DNAH3: variants seen among roughly 807,000 people sequenced by gnomAD.
The protein encoded by DNAH3 is axonemal beta dynein heavy chain 3.
Under a neutral mutation model 432.5 loss-of-function variants are expected in DNAH3, and 332 were observed. That is an observed-to-expected ratio of 0.77 (90% CI 0.70 to 0.84). The LOEUF (loss-of-function observed/expected upper bound fraction) is 0.84, where lower values mean the gene tolerates loss of function less well. DNAH3 is among the 40% of genes least tolerant of loss of function. The pLI, the probability that DNAH3 is intolerant of heterozygous loss-of-function variation, is 0.00. For synonymous variants in DNAH3, 1,956 were observed against 1,900.2 expected (o/e 1.03, Z -0.76); for missense variants, 4,861 against 5,114.0 (o/e 0.95, Z 1.51).
intron 41 of DNAH3, among the ~76,000 whole-genome samples, chr16:21,006,297 A>G (rs978899704): frequency 3.9e-5 from 6 of 152,030 alleles, no homozygotes; most frequent in Admixed American, 6.6e-5. Flanking sequence ...CAGTTCCTCT[A>G]TTTCTCTAAT....
rs150270822 is a variant in DNAH3, at chr16:20,943,749, C to T, written c.11511+747G>A. ...TAATCCCAGCACTTTTGGAAGCCAA[C>T]GCAAGCAGATTGCTTGAGCCCAGGA... On this transcript the variant is annotated intron_variant, in intron 58 of 61. Coordinates refer to ENST00000261383, the Ensembl canonical transcript of DNAH3. 2.2e-3 allele frequency among the ~76,000 whole-genome samples: 340 copies of T among 152,168 alleles called. 1 individual carries two copies. Among genetic ancestry groups the T allele is most frequent in the African/African-American group, 7.6e-3 (317 of 41,508 alleles).
intron 41 of DNAH3, among the ~76,000 whole-genome samples, chr16:21,010,980 C>A (rs2087573680): frequency 6.6e-6 from 1 of 150,482 alleles, no homozygotes; most frequent in African/African-American, 2.5e-5. Flanking sequence ...AGTCAGTTTG[C>A]AGGACACGAT....
Position 21,070,704 on chromosome 16 carries a change from T to C in DNAH3, c.3201+6A>G. ...CCTCAAAGCATTCAACTTCATTTCC[T>C]CTTACCCGGCATTCTGCTTCTATTG... On this transcript the variant is annotated splice_donor_region_variant and intron_variant, in intron 22 of 61. Transcript: ENST00000261383. The C allele has an allele frequency of 1.3e-6, 2 of 1,591,664 alleles. No individual in the cohort carries two copies. Among genetic ancestry groups the C allele is most frequent in the South Asian group, 2.2e-5 (2 of 90,618 alleles).
chr16:21,120,894 C>A, intron 10 of DNAH3: 1 of 1,413,610 alleles, frequency 7.1e-7, no homozygotes, highest in Non-Finnish European at 9.9e-7. Context: ...AGGGTCTTTT[C>A]TTCCATTTCC....
At chr16:21,111,884 C>A (rs2092082631) in intron 13 of DNAH3, 80 bp from the exon 14 acceptor site, 1 of 1,571,160 alleles carries the variant, frequency 6.4e-7, no homozygotes, top group Non-Finnish European at 8.7e-7. Context: ...CCTGGCCAAC[C>A]CTAGTCCAAT....
At position 20,999,861 on chromosome 16, in the gene DNAH3, G is replaced by GT. The variant is rs1471306125; in HGVS notation, c.6421+362dup. ...TATCTGACAGAAAATGGAATAAGGG[G>GT]TTTATCACAAGGTGTGTGTTGCTTT... On this transcript the variant is annotated intron_variant, in intron 43 of 61. Coordinates refer to ENST00000261383, the Ensembl canonical transcript of DNAH3. 2.0e-5 allele frequency among the ~76,000 whole-genome samples: 3 copies of GT among 152,292 alleles called. No homozygotes were observed. In the East Asian group the frequency reaches 5.8e-4, roughly 29 times the overall value.
chr16:20,942,812 A>C lies in DNAH3; in HGVS notation c.11512-1269T>G, dbSNP rs547966248. Among the ~76,000 whole-genome samples, 4 of 152,286 alleles carry C rather than the reference A, an allele frequency of 2.6e-5. No individual in the cohort carries two copies. In the South Asian group the frequency reaches 6.2e-4, roughly 24 times the overall value. ...ACAAAGAGTGCACTGGGACTACTAG[A>C]GGTACCCAGGATTTTAGGTGTTTCC... is the stretch of plus-strand genomic sequence containing the variant. On this transcript the variant is annotated intron_variant, in intron 58 of 61. Transcript: ENST00000261383.
intron 25 of DNAH3, among the ~76,000 whole-genome samples, chr16:21,061,367 C>G (rs1416563920): frequency 6.6e-6 from 1 of 151,318 alleles, no homozygotes; most frequent in Non-Finnish European, 1.5e-5. Flanking sequence ...TCCCAAGTCG[C>G]TGGGATTACA....
At chr16:21,100,356 G>A (rs1335976485) in intron 16 of DNAH3, among the ~76,000 whole-genome samples, 1 of 152,154 alleles carries the variant, frequency 6.6e-6, no homozygotes, top group Non-Finnish European at 1.5e-5. Context: ...ACAAGCATGA[G>A]CCACATATTC....
At chr16:20,947,209 CAAG>C (rs1278485030) in intron 57 of DNAH3, among the ~76,000 whole-genome samples, 1 of 151,978 alleles carries the variant, frequency 6.6e-6, no homozygotes, top group Admixed American at 6.6e-5. Flanking sequence ...CATAAAAACC[CAAG>C]AAGACTGGGT....
chr16:21,017,664 C>T (rs1044394219), intron 41 of DNAH3, among the ~76,000 whole-genome samples: 5 of 152,102 alleles, frequency 3.3e-5, no homozygotes, highest in African/African-American at 7.2e-5. Context: ...CACAGGCATG[C>T]GTCCTCAACC....
intron 33 of DNAH3, among the ~76,000 whole-genome samples, chr16:21,039,221 T>G (rs1169296780): frequency 1.2e-5 from 1 of 83,640 alleles, no homozygotes; most frequent in Non-Finnish European, 2.8e-5. Context: ...TTGCTTTTTT[T>G]TTTTTTTTTT....
intron 12 of DNAH3, among the ~76,000 whole-genome samples, chr16:21,112,301 T>C (rs1216495734): frequency 6.6e-6 from 1 of 152,172 alleles, no homozygotes; most frequent in Non-Finnish European, 1.5e-5. Context: ...TTCCTAGCAG[T>C]GTAAACTTAG....
At chr16:21,028,852 A>G (rs948644166) in intron 37 of DNAH3, among the ~76,000 whole-genome samples, 13 of 152,088 alleles carry the variant, frequency 8.5e-5, no homozygotes, top group African/African-American at 2.7e-4. Flanking sequence ...CCCAGGGGAG[A>G]AGAGGAAATA....
intron 9 of DNAH3, among the ~76,000 whole-genome samples, chr16:21,124,903 GC>G (rs1452733148): frequency 6.6e-6 from 1 of 152,200 alleles, no homozygotes; most frequent in African/African-American, 2.4e-5. Context: ...GCCCGCCTTG[GC>G]CTCCCAAAGT....
Position 21,044,743 on chromosome 16 carries a change from T to C in DNAH3, c.4462-2540A>G, listed in dbSNP as rs536335683. ...GGAGTGGTGAGAGAGGGCATCCCTG[T>C]CTTGTGCCAGTTTTCAAAGGGAATG... is the stretch of plus-strand genomic sequence containing the variant. On this transcript the variant is annotated intron_variant, in intron 31 of 61. Coordinates refer to ENST00000261383, the Ensembl canonical transcript of DNAH3. Among the ~76,000 whole-genome samples, 174 of 89,058 alleles carry C rather than the reference T, an allele frequency of 2.0e-3. 3 individuals carry two copies. In the South Asian group the frequency reaches 0.048, roughly 25 times the overall value. The allele number at this position is 89,058 out of a possible 152,430, so 58.4% of individuals were successfully genotyped here.
chr16:20,971,910 G>A (rs756051848), intron 51 of DNAH3, among the ~76,000 whole-genome samples: 8 of 152,198 alleles, frequency 5.3e-5, no homozygotes, highest in Non-Finnish European at 8.8e-5. Flanking sequence ...AATGTTACAT[G>A]TTTTCCTCTT....
intron 22 of DNAH3, 39 bp from the exon 23 acceptor site, chr16:21,069,633 C>G: frequency 6.4e-7 from 1 of 1,562,646 alleles, no homozygotes; most frequent in African/African-American, 1.4e-5. Flanking sequence ...CATTAACCTG[C>G]CACTCTGCAT....
chr16:21,052,450 C>T (rs527683066), intron 28 of DNAH3, among the ~76,000 whole-genome samples: 3 of 152,332 alleles, frequency 2.0e-5, no homozygotes, highest in African/African-American at 7.2e-5. Context: ...AAGGTGCGTG[C>T]TCTGAAATCA....
Sources: gnomAD v4.1 joint callset for allele counts (sites outside exome capture counted in the v4.1 genomes callset) on GRCh38, gnomAD v4.1.1 for gene constraint, MANE v1.5 for transcripts, NCBI Gene and HGNC (gene_info 2026-07-23, HGNC 2026-07-21) for gene names.